Variants in GARIN1A observed in about 807,000 individuals in gnomAD.
GARIN1A encodes the protein golgi associated RAB2 interactor 1A, also known as Golgi-associated RAB2 interactor protein 1A.
the GARIN1A span, among the ~76,000 whole-genome samples, chr7:128,692,778 C>CA: frequency 6.6e-6 from 1 of 152,120 alleles, no homozygotes; most frequent in Non-Finnish European, 1.5e-5. Context: ...GGCAGGGAAG[C>CA]AGAGAAGCTG....
the GARIN1A span, chr7:128,693,492 C>T: frequency 1.5e-5 from 3 of 194,548 alleles, no homozygotes; most frequent in African/African-American, 2.3e-5. Context: ...GCTGCTGGAG[C>T]AGGTGGACTT....
the GARIN1A span, chr7:128,675,982 C>CA: frequency 1.6e-6 from 1 of 614,102 alleles, no homozygotes; most frequent in Non-Finnish European, 2.8e-6. Context: ...CTGTAGAACT[C>CA]ATTCATTCAT....
chr7:128,675,899 G>C, the GARIN1A span: 1 of 1,417,024 alleles, frequency 7.1e-7, no homozygotes, highest in Admixed American at 1.7e-5. Context: ...TGGAATGATT[G>C]ACTGGGATAT....
chr7:128,707,376 C>T, the GARIN1A span, among the ~76,000 whole-genome samples: 2 of 152,232 alleles, frequency 1.3e-5, no homozygotes, highest in East Asian at 3.9e-4. Flanking sequence ...ACAACTGAAA[C>T]TTTGTACTCT....
the GARIN1A span, among the ~76,000 whole-genome samples, chr7:128,678,733 A>G: frequency 6.6e-6 from 1 of 151,960 alleles, no homozygotes; most frequent in African/African-American, 2.4e-5. Flanking sequence ...TCAGGAAGCA[A>G]AGGTTGCAGT....
chr7:128,675,563 A>G, the GARIN1A span: 1 of 1,094,668 alleles, frequency 9.1e-7, no homozygotes, highest in South Asian at 1.4e-5. Flanking sequence ...GTCAGGGCCC[A>G]GCCCAGTGTG....
At chr7:128,704,307 C>A in the GARIN1A span, among the ~76,000 whole-genome samples, 1 of 116,422 alleles carries the variant, frequency 8.6e-6, no homozygotes, top group Non-Finnish European at 1.9e-5. Context: ...GTTAGAGTAA[C>A]CTTTTTTTTT....
At chr7:128,699,694 A>G in the GARIN1A span, among the ~76,000 whole-genome samples, 1 of 152,196 alleles carries the variant, frequency 6.6e-6, no homozygotes, top group African/African-American at 2.4e-5. Context: ...ATATTCTGCA[A>G]TTGTTGGGTG....
the GARIN1A span, chr7:128,675,546 A>G: frequency 1.4e-5 from 12 of 878,634 alleles, no homozygotes; most frequent in Admixed American, 6.3e-5. Context: ...AAAAGGATCA[A>G]TAGCAGGTCA....
At chr7:128,673,051 A>G in the GARIN1A span, among the ~76,000 whole-genome samples, 1 of 152,328 alleles carries the variant, frequency 6.6e-6, no homozygotes, top group Non-Finnish European at 1.5e-5. Context: ...GGATGGGGCC[A>G]CTGGGAGTGG....
chr7:128,672,186 T>G, the GARIN1A span: 1 of 496,678 alleles, frequency 2.0e-6, no homozygotes, highest in Non-Finnish European at 3.5e-6. Context: ...CTCTTCTTTT[T>G]TTTTTCCCTT....
the GARIN1A span, among the ~76,000 whole-genome samples, chr7:128,704,244 T>A: frequency 6.6e-6 from 1 of 151,676 alleles, no homozygotes; most frequent in South Asian, 2.1e-4. Context: ...GCGGGGATGA[T>A]GATGATAGTT....
the GARIN1A span, among the ~76,000 whole-genome samples, chr7:128,690,110 C>G: frequency 6.6e-6 from 1 of 152,228 alleles, no homozygotes; most frequent in Non-Finnish European, 1.5e-5. Flanking sequence ...ACCTTACCCC[C>G]AACCCCATGC....
the GARIN1A span, among the ~76,000 whole-genome samples, chr7:128,677,085 A>G: frequency 3.9e-5 from 6 of 151,918 alleles, no homozygotes; most frequent in Admixed American, 1.3e-4. Flanking sequence ...AAATTGGAGA[A>G]GAGTCAGTCT....
the GARIN1A span, among the ~76,000 whole-genome samples, chr7:128,673,734 T>C: frequency 6.6e-6 from 1 of 152,312 alleles, no homozygotes; most frequent in East Asian, 1.9e-4. Flanking sequence ...ACGGTCCCTT[T>C]ACTGTGCCCC....
At chr7:128,680,473 C>G in the GARIN1A span, among the ~76,000 whole-genome samples, 4 of 152,178 alleles carry the variant, frequency 2.6e-5, no homozygotes, top group East Asian at 7.7e-4. Context: ...TATTTCCAAT[C>G]CAAGCTCACA....
At chr7:128,672,324 T>C in the GARIN1A span, 1 of 1,333,594 alleles carries the variant, frequency 7.5e-7, no homozygotes, top group African/African-American at 1.5e-5. Context: ...GCAGATCACA[T>C]CAACATCCTG....
the GARIN1A span, among the ~76,000 whole-genome samples, chr7:128,673,366 TTC>T: frequency 4.1e-3 from 1 of 246 alleles, no homozygotes; most frequent in Non-Finnish European, 0.011. Context: ...GCTGGGGGCA[TTC>T]ATTCAAGGCA....
At chr7:128,673,321 A>G in the GARIN1A span, among the ~76,000 whole-genome samples, 1 of 151,112 alleles carries the variant, frequency 6.6e-6, no homozygotes, top group Non-Finnish European at 1.5e-5. Flanking sequence ...AGCTTGGGCC[A>G]GCTGATGCAC....
Sources: allele counts gnomAD v4.1 joint callset (sites outside exome capture counted in the v4.1 genomes callset), GRCh38; gene constraint gnomAD v4.1.1; transcripts MANE v1.5; gene names NCBI Gene and HGNC (gene_info 2026-07-23, HGNC 2026-07-21).